TMED8: variants seen among roughly 807,000 people sequenced by gnomAD.
TMED8 encodes transmembrane p24 trafficking protein family member 8.
Under a neutral mutation model 32.7 loss-of-function variants are expected in TMED8, and 15 were observed. The observed-to-expected ratio is 0.46, with a 90% confidence interval of 0.31 to 0.71. TMED8 has a LOEUF of 0.71. TMED8 is among the 30% of genes least tolerant of loss of function. The pLI is 0.06. For synonymous variants in TMED8, 147 were observed against 161.4 expected (o/e 0.91, Z 0.68); for missense variants, 390 against 423.9 (o/e 0.92, Z 0.70).
At chr14:77,349,864 T>C (rs1218393061) in intron 2 of TMED8, among the ~76,000 whole-genome samples, 2 of 152,228 alleles carry the variant, frequency 1.3e-5, no homozygotes, top group African/African-American at 4.8e-5. Context: ...GCCGTGGGCC[T>C]GGATTGACAT....
intron 1 of TMED8, among the ~76,000 whole-genome samples, chr14:77,375,226 T>G (rs1484129558): frequency 6.6e-6 from 1 of 150,958 alleles, no homozygotes; most frequent in African/African-American, 2.4e-5. Context: ...CTACATGACA[T>G]TAAAAAAAAA....
intron 1 of TMED8, among the ~76,000 whole-genome samples, chr14:77,372,952 A>ATATATATATT (rs1555360928): frequency 7.0e-5 from 1 of 14,308 alleles, no homozygotes; most frequent in Non-Finnish European, 1.1e-4. Context: ...ATATATATAT[A>ATATATATATT]TTTTTTTTTT....
intron 1 of TMED8, among the ~76,000 whole-genome samples, chr14:77,372,907 TATATATATATATATATATATATA>T (rs1306978529): frequency 0.015 from 620 of 41,858 alleles, 21 homozygotes; most frequent in Middle Eastern, 0.023. Context: ...CCACAGATAT[TATATATATATATATATATATATA>T]TATATATATA....
intron 2 of TMED8, among the ~76,000 whole-genome samples, chr14:77,349,894 T>C (rs1227220150): frequency 3.3e-5 from 5 of 152,340 alleles, no homozygotes; most frequent in African/African-American, 9.6e-5. Context: ...CCACGAGAGA[T>C]TTGCATTTGC....
Position 77,341,689 on chromosome 14 carries a change from T to G in TMED8, c.*82A>C. The G allele has an allele frequency of 1.4e-6, 2 of 1,410,178 alleles. No individual in the cohort carries two copies. Among genetic ancestry groups the G allele is most frequent in the African/African-American group, 2.8e-5 (2 of 71,052 alleles). 87.4% of individuals were successfully genotyped at this position (1,410,178 alleles called of 1,614,324 possible). A position where few individuals can be genotyped will look rare whatever the true frequency, so the allele number is the denominator to read the frequency against. ...CAGCAGCCCCCCATGAACCTTTGGCTCTTGCCTATCCCAAACAAGAGGCAC... is the reference window on the plus strand; with the variant it reads ...CAGCAGCCCCCCATGAACCTTTGGCGCTTGCCTATCCCAAACAAGAGGCAC... On this transcript the variant is annotated 3_prime_UTR_variant, in exon 6 of 6. Transcript: ENST00000216468.
intron 1 of TMED8, among the ~76,000 whole-genome samples, chr14:77,371,663 G>A (rs1434900460): frequency 1.3e-5 from 2 of 152,178 alleles, no homozygotes; most frequent in African/African-American, 4.8e-5. Context: ...TATAAAGTGT[G>A]GGAGATGCAG....
At chr14:77,361,341 T>C (rs1015180842) in intron 1 of TMED8, among the ~76,000 whole-genome samples, 1 of 152,214 alleles carries the variant, frequency 6.6e-6, no homozygotes, top group Non-Finnish European at 1.5e-5. Context: ...TTGAAGAGAC[T>C]ATCTTTTCCC....
chr14:77,358,115 C>A, intron 1 of TMED8, among the ~76,000 whole-genome samples: 1 of 117,770 alleles, frequency 8.5e-6, no homozygotes, highest in Non-Finnish European at 1.7e-5. Flanking sequence ...TGGAGTGAGG[C>A]TCTGTCTCCA....
At chr14:77,346,599 A>T (rs1893042684) in intron 2 of TMED8, 121 bp from the exon 3 acceptor site, 3 of 1,286,964 alleles carry the variant, frequency 2.3e-6, no homozygotes, top group Admixed American at 1.8e-5. Context: ...CCTGGCATTT[A>T]TTTAGCTCTA....
rs1461581713 is a variant in TMED8 at position 77,376,938 on chromosome 14, G to GA, written c.115dup (p.Ser39PhefsTer4). 6.9e-7 allele frequency: 1 copy of GA among 1,451,688 alleles called. No homozygotes were observed. Among genetic ancestry groups the GA allele is most frequent in the Non-Finnish European group, 9.0e-7 (1 of 1,108,922 alleles). The allele number at this position is 1,451,688 out of a possible 1,614,324, so 89.9% of individuals were successfully genotyped here. A position where few individuals can be genotyped will look rare whatever the true frequency, so the allele number is the denominator to read the frequency against. On this transcript the variant is annotated frameshift_variant, in exon 1 of 6. Coordinates refer to ENST00000216468, the MANE Select transcript of TMED8 (RefSeq NM_213601.3). LOFTEE classifies it high-confidence loss of function. The surrounding 1 kb of genome is among the most constrained non-coding windows in gnomAD (Gnocchi z 4.0). ...GCCAGCGCCCCGGCCTTGCGTACCT[G>GA]AGGCGGCCGCCTGGCTCCCCTCCAC...
chr14:77,372,925 TATATATA>T (rs1893710210), intron 1 of TMED8, among the ~76,000 whole-genome samples: 1 of 29,050 alleles, frequency 3.4e-5, no homozygotes, highest in African/African-American at 2.5e-4. Flanking sequence ...TATATATATA[TATATATA>T]TATATATATA....
At chr14:77,372,906 T>TTTTTTATATATATATATA (rs1227686477) in intron 1 of TMED8, among the ~76,000 whole-genome samples, 1 of 35,332 alleles carries the variant, frequency 2.8e-5, no homozygotes, top group East Asian at 1.4e-3. Context: ...GCCACAGATA[T>TTTTTTATATATATATATA]TATATATATA....
intron 1 of TMED8, among the ~76,000 whole-genome samples, chr14:77,360,088 G>A (rs1365692188): frequency 6.6e-6 from 1 of 152,132 alleles, no homozygotes; most frequent in Non-Finnish European, 1.5e-5. Context: ...TATAGATGGT[G>A]AAATGGTTAC....
chr14:77,351,556 C>G (rs920904070), intron 2 of TMED8, 117 bp downstream of exon 2: 3 of 946,512 alleles, frequency 3.2e-6, no homozygotes, highest in Non-Finnish European at 4.8e-6. Context: ...CCACTGCGCC[C>G]GGCCCACATT....
At chr14:77,372,641 C>T (rs1326781980) in intron 1 of TMED8, among the ~76,000 whole-genome samples, 3 of 151,850 alleles carry the variant, frequency 2.0e-5, no homozygotes, top group Admixed American at 1.3e-4. Context: ...AGATTGTGCA[C>T]CTTTGGTTAT....
chr14:77,361,299 A>G (rs1374505139), intron 1 of TMED8, among the ~76,000 whole-genome samples: 1 of 152,102 alleles, frequency 6.6e-6, no homozygotes, highest in African/African-American at 2.4e-5. Context: ...ATTCTTTTGC[A>G]TGTGGAAATC....
chr14:77,342,812 G>A (rs1594838513), intron 5 of TMED8, among the ~76,000 whole-genome samples: 1 of 152,298 alleles, frequency 6.6e-6, no homozygotes, highest in East Asian at 1.9e-4. Flanking sequence ...TCCAGGCCAA[G>A]AATAAATATC....
chr14:77,374,736 T>G (rs569592666), intron 1 of TMED8, among the ~76,000 whole-genome samples: 1 of 152,298 alleles, frequency 6.6e-6, no homozygotes, highest in Admixed American at 6.5e-5. Context: ...GCAAGAGAGA[T>G]TCCGTTCCTA....
chr14:77,353,116 C>T (rs931140509), intron 1 of TMED8, among the ~76,000 whole-genome samples: 2 of 152,194 alleles, frequency 1.3e-5, no homozygotes, highest in Non-Finnish European at 2.9e-5. Flanking sequence ...GATTCAAACC[C>T]AGGCAGTTGT....
Sources: gnomAD v4.1 joint callset for allele counts (sites outside exome capture counted in the v4.1 genomes callset) on GRCh38, gnomAD v4.1.1 for gene constraint, Gnocchi (gnomAD v3.1) non-coding constraint, MANE v1.5 for transcripts, NCBI Gene and HGNC (gene_info 2026-07-23, HGNC 2026-07-21) for gene names.